BICRAL: variants seen among roughly 807,000 people sequenced by gnomAD.
BICRAL encodes the protein BICRA like chromatin remodeling complex associated protein, also known as BRD4-interacting chromatin-remodeling complex-associated protein-like.
A neutral mutation model predicts 91.8 loss-of-function variants in BICRAL; 8 were observed. That is an observed-to-expected ratio of 0.09 (90% CI 0.05 to 0.16). The LOEUF (loss-of-function observed/expected upper bound fraction) is 0.16. BICRAL is among the 10% of genes least tolerant of loss of function. The pLI, the probability that BICRAL is intolerant of heterozygous loss-of-function variation, is 1.00. For missense variants in BICRAL, 1,038 were observed against 1,310.9 expected, an observed-to-expected ratio of 0.79 and a Z score of 3.21; for synonymous variants, 445 against 491.1, an observed-to-expected ratio of 0.91 and a Z score of 1.24.
intron 1 of BICRAL, among the ~76,000 whole-genome samples, chr6:42,769,046 C>A (rs1475479067): frequency 1.3e-5 from 2 of 152,190 alleles, no homozygotes; most frequent in Admixed American, 6.5e-5. Flanking sequence ...TAACAAGGCA[C>A]CCTAAAATGT....
At chr6:42,752,766 G>A (rs1762399246) in intron 1 of BICRAL, among the ~76,000 whole-genome samples, 1 of 151,992 alleles carries the variant, frequency 6.6e-6, no homozygotes, top group Admixed American at 6.6e-5. Context: ...ACCATGTGTG[G>A]CTAATTTTTG....
At chr6:42,784,972 A>G (rs1763059562) in intron 1 of BICRAL, among the ~76,000 whole-genome samples, 1 of 152,106 alleles carries the variant, frequency 6.6e-6, no homozygotes, top group Non-Finnish European at 1.5e-5. Context: ...GTACTATGCT[A>G]TGCACTGTTC....
At chr6:42,858,599 C>T (rs1765459007) in intron 10 of BICRAL, among the ~76,000 whole-genome samples, 2 of 151,174 alleles carry the variant, frequency 1.3e-5, no homozygotes, top group South Asian at 2.1e-4. Flanking sequence ...GGGTGGGTCA[C>T]CTGAGGTCAG....
At chr6:42,774,039 G>A (rs1311108176) in intron 1 of BICRAL, among the ~76,000 whole-genome samples, 1 of 152,208 alleles carries the variant, frequency 6.6e-6, no homozygotes, top group Non-Finnish European at 1.5e-5. Context: ...TCTTTTCTGT[G>A]ACAAATAATG....
In BICRAL at chr6:42,791,987, C is replaced by G. The variant is rs145768596; in HGVS notation, c.-102+9886C>G. ...GACTGTACCTGGATACTGTAGGTAACTGTAACTGTATTTGTGTATCAACAT... is the reference window on the plus strand; with the variant it reads ...GACTGTACCTGGATACTGTAGGTAAGTGTAACTGTATTTGTGTATCAACAT... On this transcript the variant is annotated intron_variant, in intron 1 of 12. Coordinates refer to ENST00000314073, the MANE Select transcript of BICRAL (RefSeq NM_001393499.1). Among the ~76,000 whole-genome samples the G allele has an allele frequency of 8.3e-4, 127 of 152,240 alleles. 1 individual carries two copies. Among genetic ancestry groups the G allele is most frequent in the African/African-American group, 3.0e-3 (123 of 41,546 alleles).
At chr6:42,775,961 CAAT>C (rs1471585055) in intron 1 of BICRAL, among the ~76,000 whole-genome samples, 1 of 152,144 alleles carries the variant, frequency 6.6e-6, no homozygotes, top group Non-Finnish European at 1.5e-5. Context: ...ACAACCACAA[CAAT>C]AATGGCAACT....
rs1359892202 is a variant in BICRAL at position 42,862,609 on chromosome 6, C to A, written c.2449C>A (p.Pro817Thr). The A allele has an allele frequency of 1.9e-6, 3 of 1,579,028 alleles. No individual in the cohort carries two copies. Among genetic ancestry groups the A allele is most frequent in the African/African-American group, 1.3e-5 (1 of 74,282 alleles). The change falls in exon 12 of 13, where the codon CCT becomes ACT. Residue 817 changes from proline to threonine, a missense_variant. By Grantham distance (38) the Pro-to-Thr change is conservative (BLOSUM62 -1). Around this residue, in one of 5 missense-constraint regions of BICRAL, gnomAD observed 294 missense variants for 292.6 expected, o/e 1.00. Coordinates refer to ENST00000314073, the MANE Select transcript of BICRAL (RefSeq NM_001393499.1). ...AGACAAGCGTTTGGCACTTGTAGACCCTGGTAAGAAACATCGCAGTGAAAG... is the reference window on the plus strand; with the variant it reads ...AGACAAGCGTTTGGCACTTGTAGACACTGGTAAGAAACATCGCAGTGAAAG... ...SRDKRLALVD[P>T]EGFQADFCCS...
intron 1 of BICRAL, among the ~76,000 whole-genome samples, chr6:42,789,892 G>A (rs1763218038): frequency 6.6e-6 from 1 of 152,146 alleles, no homozygotes; most frequent in South Asian, 2.1e-4. Context: ...CTTTAGCACA[G>A]CATTCAAAAC....
At chr6:42,836,410 A>T (rs1052503697) in intron 6 of BICRAL, among the ~76,000 whole-genome samples, 5 of 152,112 alleles carry the variant, frequency 3.3e-5, no homozygotes, top group Non-Finnish European at 7.3e-5. Flanking sequence ...GCCAAAAAGC[A>T]TTGGGAACTA....
At chr6:42,794,288 A>G (rs1763357467) in intron 1 of BICRAL, among the ~76,000 whole-genome samples, 1 of 152,190 alleles carries the variant, frequency 6.6e-6, no homozygotes, top group African/African-American at 2.4e-5. Context: ...AGAGAATAAT[A>G]CAAAGAAAAA....
At chr6:42,813,352 A>G (rs1274474101) in intron 2 of BICRAL, among the ~76,000 whole-genome samples, 1 of 152,190 alleles carries the variant, frequency 6.6e-6, no homozygotes, top group Admixed American at 6.5e-5. Context: ...GGAAAAAATG[A>G]CACATTATGA....
intron 1 of BICRAL, among the ~76,000 whole-genome samples, chr6:42,805,730 G>A (rs575581607): frequency 3.0e-4 from 45 of 152,130 alleles, no homozygotes; most frequent in African/African-American, 1.1e-3. Flanking sequence ...GGCCAGGTGC[G>A]GTGGCTCACA....
intron 11 of BICRAL, among the ~76,000 whole-genome samples, chr6:42,861,454 T>C (rs1448581061): frequency 6.6e-6 from 1 of 152,160 alleles, no homozygotes; most frequent in Non-Finnish European, 1.5e-5. Context: ...GCCAGTTAAA[T>C]AGAGAAAGGA....
intron 1 of BICRAL, among the ~76,000 whole-genome samples, chr6:42,749,779 C>G (rs996395390): frequency 6.7e-6 from 1 of 149,214 alleles, no homozygotes; most frequent in Admixed American, 6.8e-5. Context: ...TATTTTTTGG[C>G]CCATCCCTTA....
chr6:42,778,795 C>T (rs1360678198), upstream of BICRAL, among the ~76,000 whole-genome samples: 2 of 151,268 alleles, frequency 1.3e-5, no homozygotes, highest in Non-Finnish European at 2.9e-5. Flanking sequence ...CAGGGGGCAA[C>T]AAAGCAAGAC....
At position 42,867,092 on chromosome 6, in the gene BICRAL, T is replaced by A. The variant is rs1765726986; in HGVS notation, c.*1646T>A. On this transcript the variant is annotated 3_prime_UTR_variant, in exon 13 of 13. Transcript: ENST00000314073. ...TCTTCACTTTAATGTGTTGCCAGAA[T>A]CTGCTTCTGGCTGTCGCCAACATGG... The A allele has an allele frequency of 3.7e-6, 1 of 269,732 alleles. No individual in the cohort carries two copies. Among genetic ancestry groups the A allele is most frequent in the South Asian group, 3.7e-5 (1 of 26,904 alleles). The allele number at this position is 269,732 out of a possible 1,614,324, so 16.7% of individuals were successfully genotyped here.
chr6:42,746,705 A>G (rs1257893416), upstream of BICRAL, among the ~76,000 whole-genome samples: 1 of 143,272 alleles, frequency 7.0e-6, no homozygotes, highest in Non-Finnish European at 1.5e-5. Flanking sequence ...CGTAGCCCTC[A>G]TCCTTACCGC....
chr6:42,819,179 C>G (rs1324043696), intron 2 of BICRAL, among the ~76,000 whole-genome samples: 1 of 152,126 alleles, frequency 6.6e-6, no homozygotes, highest in Admixed American at 6.6e-5. Flanking sequence ...CAACAGGAGT[C>G]CAGAAGTAAA....
intron 1 of BICRAL, among the ~76,000 whole-genome samples, chr6:42,790,330 A>ATTTTTTTT (rs70990136): frequency 8.0e-5 from 7 of 87,822 alleles, no homozygotes; most frequent in South Asian, 4.2e-4. Flanking sequence ...AGATAATTTA[A>ATTTTTTTT]TTTTTTTTTT....
Sources: allele counts gnomAD v4.1 joint callset (sites outside exome capture counted in the v4.1 genomes callset), GRCh38; gene constraint gnomAD v4.1.1; regional missense constraint gnomAD v4.1.1; transcripts MANE v1.5; gene names NCBI Gene and HGNC (gene_info 2026-07-23, HGNC 2026-07-21).